RPS6KC1: variants seen among roughly 807,000 people sequenced by gnomAD.
RPS6KC1 encodes the protein ribosomal protein S6 kinase C1.
In RPS6KC1, 54 loss-of-function variants were observed where a neutral mutation model predicts 103.8. The observed-to-expected ratio is 0.52, with a 90% CI of 0.42 to 0.65. The LOEUF is 0.65. Ranked by LOEUF, RPS6KC1 falls within the 30% of genes least tolerant of loss-of-function variation. The pLI is 0.00. For missense variants in RPS6KC1, 1,151 were observed against 1,253.8 expected (o/e 0.92, Z 1.24); for synonymous variants, 439 against 438.7 (o/e 1.00, Z -0.01).
chr1:213,119,090 A>AGT (rs974015585), intron 5 of RPS6KC1, among the ~76,000 whole-genome samples: 1 of 151,930 alleles, frequency 6.6e-6, no homozygotes, highest in African/African-American at 2.4e-5. Context: ...GAGAAAGAGG[A>AGT]GTGCACATTT....
chr1:213,087,500 G>C (rs1335639550), intron 3 of RPS6KC1, among the ~76,000 whole-genome samples: 2 of 152,080 alleles, frequency 1.3e-5, no homozygotes, highest in African/African-American at 4.8e-5. Flanking sequence ...TTCCTCCTTG[G>C]TTAATGGGTA....
the RPS6KC1 span, among the ~76,000 whole-genome samples, chr1:213,684,934 A>G: frequency 2.6e-5 from 4 of 152,242 alleles, no homozygotes; most frequent in South Asian, 2.1e-4. Flanking sequence ...TGGATTCTGC[A>G]TTGCCTGAAG....
At chr1:213,417,388 C>G in the RPS6KC1 span, among the ~76,000 whole-genome samples, 1 of 152,166 alleles carries the variant, frequency 6.6e-6, no homozygotes, top group South Asian at 2.1e-4. Flanking sequence ...CGCAATGCCC[C>G]GGGCACAGCG....
chr1:213,104,498 G>A lies in RPS6KC1; in HGVS notation c.307G>A (p.Glu103Lys). The A allele has an allele frequency of 1.2e-6, 2 of 1,612,762 alleles. No homozygotes were observed. Among genetic ancestry groups the A allele is most frequent in the Non-Finnish European group, 1.7e-6 (2 of 1,179,126 alleles). ...TVIEERRQCAEDLLQFSANIP... is the reference protein window; with the variant it reads ...TVIEERRQCAKDLLQFSANIP... Reference sequence around the variant, plus strand: ...TATCGAAGAGAGAAGACAATGTGCTGAAGACCTGCTACAGTTCTCTGCCAA... The same window carrying A: ...TATCGAAGAGAGAAGACAATGTGCTAAAGACCTGCTACAGTTCTCTGCCAA... The change falls in exon 4 of 15, where the codon GAA (glutamate) becomes AAA (lysine). Residue 103 changes from glutamate to lysine, a missense_variant. Transcript: ENST00000366960.
the RPS6KC1 span, among the ~76,000 whole-genome samples, chr1:213,614,741 C>A: frequency 6.6e-6 from 1 of 152,192 alleles, no homozygotes; most frequent in African/African-American, 2.4e-5. Context: ...CCACACTGCC[C>A]TAGAAGTTTG....
At chr1:213,695,754 C>T in the RPS6KC1 span, among the ~76,000 whole-genome samples, 1 of 152,260 alleles carries the variant, frequency 6.6e-6, no homozygotes, top group African/African-American at 2.4e-5. Flanking sequence ...TTTTCTCATT[C>T]TGCCCTATAG....
the RPS6KC1 span, among the ~76,000 whole-genome samples, chr1:213,546,762 C>A: frequency 6.6e-6 from 1 of 152,224 alleles, no homozygotes; most frequent in Non-Finnish European, 1.5e-5. Flanking sequence ...CCAACCCTCA[C>A]ACCATTTCCC....
At chr1:213,305,166 T>C in the RPS6KC1 span, among the ~76,000 whole-genome samples, 1 of 151,936 alleles carries the variant, frequency 6.6e-6, no homozygotes, top group East Asian at 1.9e-4. Context: ...CTCACTGCAA[T>C]CTCCGCCTCC....
At chr1:213,555,889 G>C in the RPS6KC1 span, among the ~76,000 whole-genome samples, 4 of 152,106 alleles carry the variant, frequency 2.6e-5, no homozygotes, top group Non-Finnish European at 4.4e-5. Context: ...CTCTAAGAAT[G>C]CTTGGGAAGG....
intron 6 of RPS6KC1, among the ~76,000 whole-genome samples, chr1:213,148,502 C>CA (rs2088166499): frequency 6.6e-6 from 1 of 152,152 alleles, no homozygotes; most frequent in Non-Finnish European, 1.5e-5. Context: ...TATGTTGAGC[C>CA]ATCTTTGCAT....
chr1:213,264,073 A>G (rs1051422669), intron 14 of RPS6KC1, among the ~76,000 whole-genome samples: 1 of 152,226 alleles, frequency 6.6e-6, no homozygotes, highest in African/African-American at 2.4e-5. Flanking sequence ...ATAGGTGAGC[A>G]TAAAAAAATA....
At chr1:213,511,181 C>CT in the RPS6KC1 span, among the ~76,000 whole-genome samples, 95 of 147,658 alleles carry the variant, frequency 6.4e-4, no homozygotes, top group South Asian at 1.7e-3. Context: ...TGAGGAATGT[C>CT]TTTTTTTTTT....
At chr1:213,817,179 G>A in the RPS6KC1 span, among the ~76,000 whole-genome samples, 2 of 152,106 alleles carry the variant, frequency 1.3e-5, no homozygotes, top group Admixed American at 6.5e-5. Flanking sequence ...TTGAAGATGG[G>A]ACCCTGGCAG....
At chr1:213,828,143 T>G in the RPS6KC1 span, among the ~76,000 whole-genome samples, 3 of 152,190 alleles carry the variant, frequency 2.0e-5, no homozygotes, top group Non-Finnish European at 2.9e-5. Flanking sequence ...CCTGGCACTT[T>G]TACTCTATAG....
chr1:213,824,476 C>T, the RPS6KC1 span, among the ~76,000 whole-genome samples: 4 of 152,166 alleles, frequency 2.6e-5, no homozygotes, highest in Non-Finnish European at 4.4e-5. Flanking sequence ...AAAATCACAT[C>T]GCCTGCACTG....
At chr1:213,601,309 ACTC>A in the RPS6KC1 span, among the ~76,000 whole-genome samples, 1 of 148,270 alleles carries the variant, frequency 6.7e-6, no homozygotes, top group Non-Finnish European at 1.5e-5. Flanking sequence ...ATATATATTT[ACTC>A]CTATTATACA....
the RPS6KC1 span, among the ~76,000 whole-genome samples, chr1:213,389,355 G>A: frequency 3.3e-5 from 5 of 152,330 alleles, 1 homozygote; most frequent in Admixed American, 3.3e-4. Context: ...CGACAGGACG[G>A]TTCTCCTGTG....
chr1:213,135,581 A>C (rs2086180682), intron 6 of RPS6KC1, among the ~76,000 whole-genome samples: 1 of 152,196 alleles, frequency 6.6e-6, no homozygotes, highest in Admixed American at 6.5e-5. Context: ...TGATTTAATA[A>C]ATTGCCTTAG....
At chr1:213,665,449 T>C in the RPS6KC1 span, among the ~76,000 whole-genome samples, 1 of 151,504 alleles carries the variant, frequency 6.6e-6, no homozygotes, top group African/African-American at 2.4e-5. Context: ...AAAAAGAAAT[T>C]AGAATATAAT....
Sources: allele counts gnomAD v4.1 joint callset (sites outside exome capture counted in the v4.1 genomes callset), GRCh38; gene constraint gnomAD v4.1.1; transcripts MANE v1.5; gene names NCBI Gene and HGNC (gene_info 2026-07-23, HGNC 2026-07-21).